Variants in TANK observed in about 807,000 individuals in gnomAD.
TANK encodes the protein TRAF family member-associated NF-kappa-B activator.
TANK carries 15 observed loss-of-function variants against 43.6 expected under a neutral mutation model. That is an observed-to-expected ratio of 0.34 (90% CI 0.23 to 0.53). TANK has a LOEUF of 0.53. TANK is among the 20% of genes least tolerant of loss of function. TANK has a pLI of 0.94. For missense variants in TANK, 417 were observed against 498.6 expected, an observed-to-expected ratio of 0.84 and a Z score of 1.56; for synonymous variants, 162 against 178.2, an observed-to-expected ratio of 0.91 and a Z score of 0.73.
At chr2:161,234,355 C>A (rs922044569) in intron 7 of TANK, among the ~76,000 whole-genome samples, 1 of 152,112 alleles carries the variant, frequency 6.6e-6, no homozygotes. Flanking sequence ...TGAGATGATT[C>A]TTCTTAAAAT....
At chr2:161,158,143 G>A (rs1182900403), upstream of TANK, among the ~76,000 whole-genome samples, 1 of 152,224 alleles carries the variant, frequency 6.6e-6, no homozygotes, top group African/African-American at 2.4e-5. Context: ...GCCTCCCAAA[G>A]TGTTAGGATT....
chr2:161,211,847 A>G lies in TANK; in HGVS notation c.327+7054A>G, dbSNP rs944285008. ...GTACCTCAGGTACTCCTTGCCTTGC[A>G]GTCCAAAGCAAATGTACCGCTTCTC... On this transcript the variant is annotated intron_variant, in intron 4 of 7. Coordinates refer to ENST00000392749, the MANE Select transcript of TANK (RefSeq NM_001199135.3). The G allele has an allele frequency of 7.1e-6, 7 of 985,204 alleles. No homozygotes were observed. In the African/African-American group the frequency reaches 1.0e-4, roughly 15 times the overall value. The allele number at this position is 985,204 out of a possible 1,614,324, so 61.0% of individuals were successfully genotyped here.
intron 7 of TANK, among the ~76,000 whole-genome samples, chr2:161,232,401 A>T (rs1025478029): frequency 8.5e-5 from 13 of 152,302 alleles, no homozygotes; most frequent in South Asian, 4.1e-4. Flanking sequence ...TAATTTTTTT[A>T]AAAAAGTTAT....
Position 161,203,512 on chromosome 2 carries a change from G to A in TANK, c.125G>A (p.Arg42His), listed in dbSNP as rs775536375. 29 of 1,611,518 alleles carry A rather than the reference G, an allele frequency of 1.8e-5. No individual in the cohort carries two copies. Among genetic ancestry groups the A allele is most frequent in the African/African-American group, 6.7e-5 (5 of 74,816 alleles). Reference protein sequence around the residue: ...QKTENYEQRIREQQEQLSLQQ... With the variant: ...QKTENYEQRIHEQQEQLSLQQ... ...ACTGAGAACTATGAGCAGAGAATAC[G>A]TGAACAACAGGAACAGCTGTCACTT... Residue 42 changes from arginine (R) to histidine (H), a missense_variant, in exon 3 of 8, where the codon CGT (arginine) becomes CAT (histidine). By Grantham distance (29) the Arg-to-His change is conservative. Coordinates refer to ENST00000392749, the MANE Select transcript of TANK (RefSeq NM_001199135.3).
In TANK at chr2:161,203,531, G is replaced by C; in HGVS notation, c.144G>C (p.Leu48=). The C allele has an allele frequency of 6.2e-7, 1 of 1,612,726 alleles. No individual in the cohort carries two copies. The highest frequency in any genetic ancestry group is 8.5e-7 in the Non-Finnish European group (1 of 1,179,532). ...EQRIREQQEQ[L]SLQQTIIDKL... is the part of the protein sequence containing the mutation. Reference sequence around the variant, plus strand: ...GAATACGTGAACAACAGGAACAGCTGTCACTTCAACAGACTATTATTGACA... The same window carrying C: ...GAATACGTGAACAACAGGAACAGCTCTCACTTCAACAGACTATTATTGACA... The change falls in exon 3 of 8, where the codon CTG becomes CTC. Residue 48 remains leucine (L), a synonymous_variant. Transcript: ENST00000392749.
Position 161,231,102 on chromosome 2 carries a change from T to G in TANK, c.652T>G (p.Cys218Gly). Residue 218 changes from cysteine (C) to glycine (G), a missense_variant, in exon 7 of 8, where the codon TGC becomes GGC. Coordinates refer to ENST00000392749, the MANE Select transcript of TANK (RefSeq NM_001199135.3). ...CACATCTGTCACACCAAGAGGACTG[T>G]GCAGAGATGAGGAAGACACCTCTTT... Reference protein sequence around the residue: ...SITSVTPRGLCRDEEDTSFES... With the variant: ...SITSVTPRGLGRDEEDTSFES... The G allele has an allele frequency of 2.5e-6, 4 of 1,614,154 alleles. No individual in the cohort carries two copies. Among genetic ancestry groups the G allele is most frequent in the Middle Eastern group, 3.3e-4 (2 of 6,062 alleles).
chr2:161,167,282 A>C (rs1419579970), intron 1 of TANK, among the ~76,000 whole-genome samples: 1 of 152,190 alleles, frequency 6.6e-6, no homozygotes, highest in Non-Finnish European at 1.5e-5. Flanking sequence ...ATAACTGATC[A>C]AAGCTCAGAT....
chr2:161,138,571 A>T (rs959726325), intron 1 of TANK, among the ~76,000 whole-genome samples: 1 of 152,168 alleles, frequency 6.6e-6, no homozygotes, highest in African/African-American at 2.4e-5. Context: ...ATACACTTCC[A>T]CATGCATACA....
rs997682547 is a variant in TANK, at chr2:161,200,325, G to A, written c.100-3162G>A. The A allele has an allele frequency of 4.1e-6, 4 of 982,778 alleles. No homozygotes were observed. In the African/African-American group the frequency reaches 5.3e-5, roughly 13 times the overall value. 60.9% of individuals were successfully genotyped at this position (982,778 alleles called of 1,614,324 possible). On this transcript the variant is annotated intron_variant, in intron 2 of 7. Coordinates refer to ENST00000392749, the MANE Select transcript of TANK (RefSeq NM_001199135.3). ...TGTATTTTAAAAAAATACTATGACT[G>A]TGCAACAATAATCTGACCTTGTAAA...
At chr2:161,146,969 C>A (rs539955308) in intron 1 of TANK, among the ~76,000 whole-genome samples, 3 of 152,174 alleles carry the variant, frequency 2.0e-5, no homozygotes, top group South Asian at 2.1e-4. Flanking sequence ...CACCCCTCCC[C>A]CTAGGGGCTC....
chr2:161,179,511 A>G (rs1368573522), intron 1 of TANK, 103 bp from the exon 2 acceptor site: 9 of 990,722 alleles, frequency 9.1e-6, no homozygotes, highest in South Asian at 2.4e-5. Context: ...ACTTGGTGGT[A>G]TAATGTTTGT....
chr2:161,227,165 T>G (rs1359208527), intron 6 of TANK: 1 of 152,260 alleles, frequency 6.6e-6, no homozygotes, highest in African/African-American at 2.4e-5. Flanking sequence ...GGTTTAAATT[T>G]TTTTAATAGA....
intron 1 of TANK, among the ~76,000 whole-genome samples, chr2:161,139,286 G>A (rs1057336617): frequency 2.6e-5 from 4 of 152,168 alleles, no homozygotes; most frequent in Non-Finnish European, 5.9e-5. Flanking sequence ...TTAACATTAA[G>A]AATGAGGTTG....
intron 4 of TANK, chr2:161,207,281 A>G (rs1171501404): frequency 1.3e-5 from 6 of 463,618 alleles, no homozygotes; most frequent in African/African-American, 1.3e-4. Flanking sequence ...ATTTTTGGGC[A>G]GACGGTAAGA....
At chr2:161,212,321 A>G (rs1686931132) in intron 4 of TANK, 1 of 945,924 alleles carries the variant, frequency 1.1e-6, no homozygotes, top group Non-Finnish European at 1.3e-6. Flanking sequence ...TCGGCCTCCC[A>G]TAGTGCTAGG....
chr2:161,226,241 C>T (rs2105391597), intron 6 of TANK, among the ~76,000 whole-genome samples: 1 of 152,244 alleles, frequency 6.6e-6, no homozygotes, highest in South Asian at 2.1e-4. Context: ...ATGTGTCTGT[C>T]AGCTAGAACA....
At chr2:161,172,008 G>A (rs1398046594) in intron 1 of TANK, among the ~76,000 whole-genome samples, 2 of 152,142 alleles carry the variant, frequency 1.3e-5, no homozygotes, top group African/African-American at 4.8e-5. Context: ...ATCTGGTAGA[G>A]TAGAAGATAC....
intron 7 of TANK, among the ~76,000 whole-genome samples, chr2:161,232,524 T>C (rs1687968164): frequency 6.6e-6 from 1 of 152,226 alleles, no homozygotes; most frequent in South Asian, 2.1e-4. Flanking sequence ...TAGGCATGGC[T>C]GACAATAAGT....
chr2:161,176,298 A>G (rs1281649325), intron 1 of TANK, among the ~76,000 whole-genome samples: 1 of 152,198 alleles, frequency 6.6e-6, no homozygotes, highest in Non-Finnish European at 1.5e-5. Flanking sequence ...TGAGTCCCAG[A>G]GACTTTCCTT....
Sources: gnomAD v4.1 joint callset for allele counts (sites outside exome capture counted in the v4.1 genomes callset) on GRCh38, gnomAD v4.1.1 for gene constraint, MANE v1.5 for transcripts, NCBI Gene and HGNC (gene_info 2026-07-23, HGNC 2026-07-21) for gene names.